The following TENM2 variants were observed in gnomAD, a reference collection of about 807,000 sequenced individuals.
TENM2 encodes the protein teneurin transmembrane protein 2.
In TENM2, 52 loss-of-function variants were observed where a neutral mutation model predicts 245.2. The observed-to-expected ratio is 0.21, with a 90% CI of 0.17 to 0.27. TENM2 has a LOEUF of 0.27. Among genes scored for constraint, TENM2 ranks in the 10% least tolerant of loss-of-function variants. TENM2 has a pLI of 1.00. For synonymous variants in TENM2, 1,363 were observed against 1,438.9 expected, an observed-to-expected ratio of 0.95 and a Z score of 1.19; for missense variants, 3,046 against 3,666.8, an observed-to-expected ratio of 0.83 and a Z score of 4.37.
intron 4 of TENM2, among the ~76,000 whole-genome samples, chr5:167,972,425 A>G (rs1781859432): frequency 6.6e-6 from 1 of 152,200 alleles, no homozygotes; most frequent in African/African-American, 2.4e-5. Context: ...TCCGTGTAAT[A>G]TTCCATAATG....
intron 2 of TENM2, among the ~76,000 whole-genome samples, chr5:167,469,331 A>G (rs1766862164): frequency 6.6e-6 from 1 of 152,178 alleles, no homozygotes; most frequent in Non-Finnish European, 1.5e-5. Context: ...TACAGTATAA[A>G]GAGACTTTTG....
intron 1 of TENM2, among the ~76,000 whole-genome samples, chr5:167,322,068 G>A (rs1756783674): frequency 6.6e-6 from 1 of 151,860 alleles, no homozygotes; most frequent in African/African-American, 2.4e-5. Context: ...CTGACCTCAA[G>A]TGATCTGCCC....
intron 1 of TENM2, among the ~76,000 whole-genome samples, chr5:167,371,072 A>T (rs1448008766): frequency 6.6e-6 from 1 of 152,226 alleles, no homozygotes; most frequent in Non-Finnish European, 1.5e-5. Context: ...TTGCTGTAAG[A>T]TAAAATACAT....
chr5:167,480,603 A>T (rs747821230), intron 2 of TENM2, among the ~76,000 whole-genome samples: 1 of 152,192 alleles, frequency 6.6e-6, no homozygotes, highest in African/African-American at 2.4e-5. Context: ...CAAAATCTAG[A>T]TGATTGCGAT....
intron 1 of TENM2, among the ~76,000 whole-genome samples, chr5:167,326,136 A>G (rs1429788736): frequency 6.6e-6 from 1 of 152,148 alleles, no homozygotes; most frequent in Non-Finnish European, 1.5e-5. Context: ...TTCTCAGTAT[A>G]GCGCAGGGTT....
chr5:167,248,238 G>A, the TENM2 span, among the ~76,000 whole-genome samples: 1 of 152,040 alleles, frequency 6.6e-6, no homozygotes, highest in Admixed American at 6.6e-5. Flanking sequence ...TTTGATTTGG[G>A]TTTATATGTA....
At chr5:167,521,102 G>A (rs67594515) in intron 2 of TENM2, among the ~76,000 whole-genome samples, 13,666 of 151,570 alleles carry the variant, frequency 0.09, 719 homozygotes, top group South Asian at 0.21. Flanking sequence ...CTGAGGTTGG[G>A]GTTGTTATTG....
Position 168,100,922 on chromosome 5 carries a change from AT to A in TENM2, c.1813+2797del, listed in dbSNP as rs1185077785. On this transcript the variant is annotated intron_variant, in intron 9 of 28. Coordinates refer to ENST00000518659, the Ensembl canonical transcript of TENM2. Reference sequence around the variant, plus strand: ...CATGTATTCCAAAACTTCAAGTATAATTAAAAAAAAAAAAAAAAAGACAAGA... The same window carrying A: ...CATGTATTCCAAAACTTCAAGTATAATAAAAAAAAAAAAAAAAAGACAAGA... Among the ~76,000 whole-genome samples, 231 of 95,978 alleles carry A rather than the reference AT, an allele frequency of 2.4e-3. 1 individual carries two copies. In the South Asian group the frequency reaches 0.032, roughly 13 times the overall value. 63.0% of individuals were successfully genotyped at this position (95,978 alleles called of 152,430 possible).
At chr5:166,983,033 C>T in the TENM2 span, among the ~76,000 whole-genome samples, 1 of 152,050 alleles carries the variant, frequency 6.6e-6, no homozygotes, top group Non-Finnish European at 1.5e-5. Context: ...GTACTATGCA[C>T]TATCAGCAAC....
At chr5:167,996,259 A>C (rs1784039877) in intron 5 of TENM2, among the ~76,000 whole-genome samples, 1 of 152,040 alleles carries the variant, frequency 6.6e-6, no homozygotes, top group Non-Finnish European at 1.5e-5. Flanking sequence ...TTACGAGCTC[A>C]GCAGAGATGC....
intron 2 of TENM2, among the ~76,000 whole-genome samples, chr5:167,603,512 G>A (rs949655260): frequency 4.6e-5 from 7 of 151,970 alleles, no homozygotes; most frequent in South Asian, 2.1e-4. Flanking sequence ...GTGAAACCCC[G>A]TCTCTACAAA....
intron 4 of TENM2, among the ~76,000 whole-genome samples, chr5:167,975,563 G>GAGTGTCCAAC (rs1399684097): frequency 4.6e-5 from 7 of 151,986 alleles, no homozygotes; most frequent in South Asian, 2.1e-4. Flanking sequence ...CAACATTCCT[G>GAGTGTCCAAC]AGTGTCCAAC....
exon 22 of TENM2, chr5:168,216,852 C>T (rs763350120): frequency 1.8e-5 from 29 of 1,613,894 alleles, no homozygotes; most frequent in Non-Finnish European, 2.4e-5. Context: ...ATCATCTCCA[C>T]CCTGCTGGGC....
chr5:167,275,934 T>G, the TENM2 span, among the ~76,000 whole-genome samples: 1 of 152,090 alleles, frequency 6.6e-6, no homozygotes, highest in African/African-American at 2.4e-5. Context: ...ATTATCTCTT[T>G]GAATTCTCAG....
rs144500374 is a variant in TENM2 at position 167,632,700 on chromosome 5, A to ATG, written c.503-243275_503-243274dup. Among the ~76,000 whole-genome samples the ATG allele has an allele frequency of 3.4e-5, 5 of 147,708 alleles. No homozygotes were observed. In the South Asian group the frequency reaches 6.2e-4, roughly 18 times the overall value. On this transcript the variant is annotated intron_variant, in intron 2 of 28. Transcript: ENST00000518659. ...CACACACCATGCACATACATGGAACATGTGTGTGTGTGAGGTAGCTTTAGT... is the reference window on the plus strand; with the variant it reads ...CACACACCATGCACATACATGGAACATGTGTGTGTGTGTGAGGTAGCTTTAGT...
the TENM2 span, among the ~76,000 whole-genome samples, chr5:167,127,187 A>T: frequency 6.6e-6 from 1 of 152,162 alleles, no homozygotes; most frequent in Non-Finnish European, 1.5e-5. Context: ...AATATTTCCC[A>T]AATTTGTAAC....
At chr5:167,502,013 A>AAC (rs1043279740) in intron 2 of TENM2, among the ~76,000 whole-genome samples, 4 of 123,324 alleles carry the variant, frequency 3.2e-5, no homozygotes, top group African/African-American at 1.2e-4. Flanking sequence ...GAAAAATAAC[A>AAC]AAAAAAAAAA....
chr5:167,126,814 G>T, the TENM2 span, among the ~76,000 whole-genome samples: 1 of 152,152 alleles, frequency 6.6e-6, no homozygotes, highest in African/African-American at 2.4e-5. Context: ...AGACTAGGCA[G>T]CCACAATTTC....
chr5:168,065,394 T>A (rs2152108849), intron 7 of TENM2, among the ~76,000 whole-genome samples: 1 of 152,290 alleles, frequency 6.6e-6, no homozygotes. Flanking sequence ...CCAGGGGACC[T>A]TGAGCACGTC....
Sources: allele counts gnomAD v4.1 joint callset (sites outside exome capture counted in the v4.1 genomes callset), GRCh38; gene constraint gnomAD v4.1.1; transcripts MANE v1.5; gene names NCBI Gene and HGNC (gene_info 2026-07-23, HGNC 2026-07-21).